NUSAP1: variants seen among roughly 807,000 people sequenced by gnomAD.
The protein encoded by NUSAP1 is nucleolar and spindle associated protein 1.
NUSAP1 carries 32 observed loss-of-function variants against 52.8 expected under a neutral mutation model. The ratio of observed to expected loss-of-function variants is 0.61; its 90% CI spans 0.46 to 0.81. The LOEUF is 0.81. Ranked by LOEUF, NUSAP1 falls within the 40% of genes least tolerant of loss-of-function variation. The pLI is 0.00. For synonymous variants in NUSAP1, 195 were observed against 183.1 expected, an observed-to-expected ratio of 1.06 and a Z score of -0.52; for missense variants, 499 against 522.3, an observed-to-expected ratio of 0.96 and a Z score of 0.43.
At chr15:41,362,687 C>T (rs1359487663) in intron 6 of NUSAP1, among the ~76,000 whole-genome samples, 3 of 151,940 alleles carry the variant, frequency 2.0e-5, no homozygotes, top group Admixed American at 6.6e-5. Context: ...GCCTCGGCCT[C>T]CCAAAATGCT....
In NUSAP1 at chr15:41,356,125, G is replaced by T. The variant is rs768657134; in HGVS notation, c.535G>T (p.Ala179Ser). ...SSKPGKNKRTAITTPNFKKLH... is the reference protein window; with the variant it reads ...SSKPGKNKRTSITTPNFKKLH... ...CAAACCTGGAAAAAATAAAAGAACT[G>T]CAATCACTACTCCAAGTAAGTTTTG... Residue 179 changes from alanine (A) to serine (S), a missense_variant, in exon 5 of 11, where the codon GCA becomes TCA. Coordinates refer to ENST00000559596, the MANE Select transcript of NUSAP1 (RefSeq NM_016359.5). 3 of 1,596,170 alleles carry T rather than the reference G, an allele frequency of 1.9e-6. No individual in the cohort carries two copies. Among genetic ancestry groups the T allele is most frequent in the Non-Finnish European group, 2.6e-6 (3 of 1,168,554 alleles).
intron 6 of NUSAP1, among the ~76,000 whole-genome samples, chr15:41,360,793 C>G (rs12898204): frequency 8.5e-6 from 1 of 117,026 alleles, no homozygotes; most frequent in African/African-American, 3.2e-5. Flanking sequence ...GTTTATCCAT[C>G]TTTTTTTTTT....
chr15:41,355,179 A>C (rs936306086), intron 4 of NUSAP1, among the ~76,000 whole-genome samples: 3 of 147,256 alleles, frequency 2.0e-5, no homozygotes, highest in African/African-American at 7.6e-5. Flanking sequence ...TTATGTATTT[A>C]TTTATTTTTT....
At chr15:41,346,828 AAAATAAATAAATAAATAAAT>A (rs71431808) in intron 2 of NUSAP1, among the ~76,000 whole-genome samples, 295 of 130,322 alleles carry the variant, frequency 2.3e-3, no homozygotes, top group Middle Eastern at 3.8e-3. Flanking sequence ...CCCCGTCTCA[AAAATAAATAAATAAATAAAT>A]AAATAAATAA....
In NUSAP1 at chr15:41,378,957, T is replaced by G. The variant is rs948207278; in HGVS notation, c.1233-1136T>G. ...TAACTTATCTTGGTTTTTTTTTTTTTTTTTTTTTTTTTTTGAGATGGAGTC... is the reference window on the plus strand; with the variant it reads ...TAACTTATCTTGGTTTTTTTTTTTTGTTTTTTTTTTTTTTGAGATGGAGTC... On this transcript the variant is annotated intron_variant, in intron 10 of 10. Coordinates refer to ENST00000559596, the MANE Select transcript of NUSAP1 (RefSeq NM_016359.5). Among the ~76,000 whole-genome samples the G allele has an allele frequency of 3.6e-5, 4 of 111,154 alleles. 1 individual carries two copies. The highest frequency in any genetic ancestry group is 7.3e-5 in the African/African-American group (2 of 27,432). The allele number at this position is 111,154 out of a possible 152,430, so 72.9% of individuals were successfully genotyped here.
In NUSAP1 at chr15:41,337,256, C is replaced by T. The variant is rs749584915; in HGVS notation, c.93+4206C>T. ...CTGGTCTCCAACTCCTGAGATTCAG[C>T]GATCCTCGCGCCTTGGCCTCCCAAA... On this transcript the variant is annotated intron_variant, in intron 1 of 10. Transcript: ENST00000559596. Among the ~76,000 whole-genome samples, 14 of 152,162 alleles carry T rather than the reference C, an allele frequency of 9.2e-5. No individual in the cohort carries two copies. The East Asian group carries it at 1.4e-3, about 15-fold the overall frequency.
intron 2 of NUSAP1, among the ~76,000 whole-genome samples, chr15:41,342,674 C>T (rs953034131): frequency 1.3e-5 from 2 of 151,994 alleles, no homozygotes; most frequent in Non-Finnish European, 2.9e-5. Flanking sequence ...CCCGTCTCTA[C>T]TAAAAATACA....
In NUSAP1 at chr15:41,358,263, G is replaced by A. The variant is rs757520123; in HGVS notation, c.660+5G>A. 1.5e-6 allele frequency: 2 copies of A among 1,314,526 alleles called. No individual in the cohort carries two copies. Among genetic ancestry groups the A allele is most frequent in the Non-Finnish European group, 2.2e-6 (2 of 920,544 alleles). 81.4% of individuals were successfully genotyped at this position (1,314,526 alleles called of 1,614,324 possible). On this transcript the variant is annotated splice_donor_5th_base_variant and intron_variant, in intron 6 of 10. Transcript: ENST00000559596. ...AATTCCATGAATGAACTGAAGGTAT[G>A]TAGATAAAATTATGTTCTTAATGGA...
At chr15:41,338,070 TTA>T (rs1489444174) in intron 1 of NUSAP1, among the ~76,000 whole-genome samples, 2 of 151,568 alleles carry the variant, frequency 1.3e-5, no homozygotes, top group Non-Finnish European at 2.9e-5. Context: ...GTTCCTGGGA[TTA>T]TAGGTGCCTG....
chr15:41,347,335 C>A (rs1266969486), intron 2 of NUSAP1, among the ~76,000 whole-genome samples: 1 of 152,130 alleles, frequency 6.6e-6, no homozygotes, highest in African/African-American at 2.4e-5. Context: ...GTCTCCTACC[C>A]TCTAAAATAT....
At chr15:41,367,223 G>T (rs1280807413) in intron 7 of NUSAP1, among the ~76,000 whole-genome samples, 1 of 152,212 alleles carries the variant, frequency 6.6e-6, no homozygotes, top group Non-Finnish European at 1.5e-5. Flanking sequence ...CTTCTCTGCA[G>T]GGGTGAGGCA....
At chr15:41,337,518 G>A (rs1032517382) in intron 1 of NUSAP1, among the ~76,000 whole-genome samples, 3 of 152,054 alleles carry the variant, frequency 2.0e-5, no homozygotes, top group African/African-American at 7.2e-5. Context: ...ATGCAATCAT[G>A]TTTTACTATC....
intron 6 of NUSAP1, among the ~76,000 whole-genome samples, chr15:41,362,210 A>ATTTAATTAATCTAT: frequency 6.6e-6 from 1 of 151,912 alleles, no homozygotes; most frequent in South Asian, 2.1e-4. Context: ...ATATACCTAC[A>ATTTAATTAATCTAT]TTTAATTAAT....
intron 1 of NUSAP1, among the ~76,000 whole-genome samples, chr15:41,341,777 C>T (rs764918988): frequency 6.6e-6 from 1 of 152,224 alleles, no homozygotes; most frequent in Non-Finnish European, 1.5e-5. Flanking sequence ...CAAAATTGGT[C>T]ACCCACTGCC....
intron 7 of NUSAP1, among the ~76,000 whole-genome samples, chr15:41,370,020 G>T (rs773194464): frequency 4.0e-5 from 6 of 151,532 alleles, no homozygotes; most frequent in Non-Finnish European, 7.4e-5. Flanking sequence ...AGTGAGCCGA[G>T]ATCACGCCAC....
chr15:41,379,979 C>G (rs780891278), intron 10 of NUSAP1, 114 bp from the exon 11 acceptor site: 4 of 697,216 alleles, frequency 5.7e-6, no homozygotes, highest in Non-Finnish European at 9.9e-6. Flanking sequence ...CTGTTTTACA[C>G]AAGTATGCTG....
chr15:41,339,894 G>A (rs1397124535), intron 1 of NUSAP1, among the ~76,000 whole-genome samples: 5 of 151,788 alleles, frequency 3.3e-5, no homozygotes, highest in Admixed American at 6.6e-5. Context: ...TGATTCTCCC[G>A]CCTCAGCCTC....
At chr15:41,338,863 G>A (rs1040902762) in intron 1 of NUSAP1, among the ~76,000 whole-genome samples, 7 of 151,988 alleles carry the variant, frequency 4.6e-5, no homozygotes, top group Middle Eastern at 3.4e-3. Context: ...TACTCGGGAG[G>A]ATGAGGCACG....
chr15:41,380,677 T>C lies in NUSAP1; in HGVS notation c.*491T>C, dbSNP rs1390066733. On this transcript the variant is annotated 3_prime_UTR_variant, in exon 11 of 11. Transcript: ENST00000559596. Reference sequence around the variant, plus strand: ...GAAACGGGGCCATATAGTTTGGTTATGACATCAATATTTTACCTAGGTGAA... The same window carrying C: ...GAAACGGGGCCATATAGTTTGGTTACGACATCAATATTTTACCTAGGTGAA... 6.6e-6 allele frequency: 1 copy of C among 152,594 alleles called. No individual in the cohort carries two copies. The highest frequency in any genetic ancestry group is 6.5e-5 in the Admixed American group (1 of 15,290). The allele number at this position is 152,594 out of a possible 1,614,324, so 9.5% of individuals were successfully genotyped here.
Sources: gnomAD v4.1 joint callset for allele counts (sites outside exome capture counted in the v4.1 genomes callset) on GRCh38, gnomAD v4.1.1 for gene constraint, MANE v1.5 for transcripts, NCBI Gene and HGNC (gene_info 2026-07-23, HGNC 2026-07-21) for gene names.